Variants in PRKCE observed in about 807,000 individuals in gnomAD.
The protein encoded by PRKCE is protein kinase C epsilon type.
A neutral mutation model predicts 85.4 loss-of-function variants in PRKCE; 16 were observed. The ratio of observed to expected loss-of-function variants is 0.19; its 90% CI spans 0.13 to 0.28. The LOEUF is 0.28. Ranked by LOEUF, PRKCE falls within the 10% of genes least tolerant of loss-of-function variation. The pLI is 1.00. For missense variants in PRKCE, 573 were observed against 975.2 expected (o/e 0.59, Z 5.49); for synonymous variants, 388 against 371.5 (o/e 1.04, Z -0.51).
intron 2 of PRKCE, among the ~76,000 whole-genome samples, chr2:45,933,206 A>G (rs1054877385): frequency 6.6e-6 from 1 of 152,204 alleles, no homozygotes; most frequent in Non-Finnish European, 1.5e-5. Context: ...GAAGGTCTTC[A>G]TAGATATTGG....
At chr2:45,799,389 T>C (rs1012197229) in intron 1 of PRKCE, among the ~76,000 whole-genome samples, 5 of 151,932 alleles carry the variant, frequency 3.3e-5, no homozygotes, top group African/African-American at 1.2e-4. Context: ...GTAGTAAATA[T>C]AAAAGTTAAA....
In PRKCE at chr2:45,881,721, G is replaced by T. The variant is rs552960929; in HGVS notation, c.412+38658G>T. Among the ~76,000 whole-genome samples, 13 of 152,314 alleles carry T rather than the reference G, an allele frequency of 8.5e-5. No individual in the cohort carries two copies. In the South Asian group the frequency reaches 2.7e-3, roughly 32 times the overall value. ...CAGCACGATGGAATGACTTGCCTAA[G>T]TCACACAATATGAGGTAGAGCCAAG... On this transcript the variant is annotated intron_variant, in intron 2 of 14. Transcript: ENST00000306156.
chr2:45,935,430 A>C (rs1194945079), intron 2 of PRKCE, among the ~76,000 whole-genome samples: 2 of 152,202 alleles, frequency 1.3e-5, no homozygotes, highest in African/African-American at 4.8e-5. Context: ...ATACTTTAAA[A>C]TTTGCATACT....
At chr2:46,140,848 C>A (rs766003181) in intron 11 of PRKCE, among the ~76,000 whole-genome samples, 1 of 151,804 alleles carries the variant, frequency 6.6e-6, no homozygotes, top group Admixed American at 6.6e-5. Flanking sequence ...AAAACAAACA[C>A]CACAAAAGAA....
At chr2:46,104,032 C>A (rs1406111975) in intron 11 of PRKCE, among the ~76,000 whole-genome samples, 1 of 152,148 alleles carries the variant, frequency 6.6e-6, no homozygotes, top group East Asian at 1.9e-4. Context: ...CCACCGTTTG[C>A]TTTATTTTCA....
chr2:45,937,029 A>C (rs1400305272), intron 2 of PRKCE, among the ~76,000 whole-genome samples: 1 of 152,166 alleles, frequency 6.6e-6, no homozygotes, highest in African/African-American at 2.4e-5. Flanking sequence ...AGTTCCATAG[A>C]TGCTTGGACC....
At chr2:45,751,636 G>C (rs948187671) in intron 1 of PRKCE, among the ~76,000 whole-genome samples, 11 of 151,986 alleles carry the variant, frequency 7.2e-5, no homozygotes, top group Non-Finnish European at 1.3e-4. Flanking sequence ...AGGTTTTGCA[G>C]ACAGAATATG....
chr2:45,974,926 C>T (rs1176886297), intron 2 of PRKCE, among the ~76,000 whole-genome samples: 1 of 152,178 alleles, frequency 6.6e-6, no homozygotes, highest in Non-Finnish European at 1.5e-5. Context: ...AGCCTGCCCA[C>T]TGTGTTCTTG....
At chr2:45,924,789 AAATT>A (rs1405751806) in intron 2 of PRKCE, among the ~76,000 whole-genome samples, 1 of 152,240 alleles carries the variant, frequency 6.6e-6, no homozygotes, top group Non-Finnish European at 1.5e-5. Flanking sequence ...AGTTGCATGG[AAATT>A]AATTCATGGG....
intron 11 of PRKCE, among the ~76,000 whole-genome samples, chr2:46,120,128 T>G (rs575493061): frequency 4.6e-5 from 7 of 152,332 alleles, no homozygotes; most frequent in South Asian, 4.1e-4. Context: ...GAATTTGGTT[T>G]TTAAGCAGTA....
intron 2 of PRKCE, among the ~76,000 whole-genome samples, chr2:45,956,917 A>G (rs1166612479): frequency 3.3e-5 from 5 of 152,054 alleles, no homozygotes; most frequent in African/African-American, 7.2e-5. Context: ...GCATCTTTTC[A>G]TGTGTTTAAT....
At chr2:46,079,189 A>AG (rs1668830222) in intron 10 of PRKCE, among the ~76,000 whole-genome samples, 1 of 151,634 alleles carries the variant, frequency 6.6e-6, no homozygotes, top group Non-Finnish European at 1.5e-5. Context: ...AAAAAAAAAA[A>AG]AAAGAAAATA....
chr2:45,910,049 C>A (rs951104883), intron 2 of PRKCE, among the ~76,000 whole-genome samples: 1 of 151,890 alleles, frequency 6.6e-6, no homozygotes, highest in South Asian at 2.1e-4. Context: ...CACCGCCCCC[C>A]CCCAGCCAAG....
chr2:45,985,296 G>A (rs1170004937), intron 6 of PRKCE, among the ~76,000 whole-genome samples: 2 of 152,092 alleles, frequency 1.3e-5, no homozygotes, highest in Admixed American at 6.5e-5. Flanking sequence ...GTTTCCTGCC[G>A]TGCCACCCGC....
At chr2:46,058,624 A>G (rs1666828399) in intron 10 of PRKCE, among the ~76,000 whole-genome samples, 1 of 152,198 alleles carries the variant, frequency 6.6e-6, no homozygotes, top group Non-Finnish European at 1.5e-5. Context: ...ACTACTCACC[A>G]TCAAGACAGG....
intron 1 of PRKCE, among the ~76,000 whole-genome samples, chr2:45,756,093 C>T (rs1409245891): frequency 3.9e-5 from 6 of 152,138 alleles, no homozygotes; most frequent in Non-Finnish European, 7.4e-5. Flanking sequence ...AGAGGCTGAC[C>T]GCAGGGAAGA....
intron 1 of PRKCE, among the ~76,000 whole-genome samples, chr2:45,720,840 G>T (rs1225644535): frequency 1.3e-5 from 2 of 152,146 alleles, no homozygotes; most frequent in Admixed American, 6.6e-5. Flanking sequence ...CAGGCACAGT[G>T]GCTCACACCT....
intron 10 of PRKCE, among the ~76,000 whole-genome samples, chr2:46,064,937 C>A (rs1667488153): frequency 6.6e-6 from 1 of 152,202 alleles, no homozygotes; most frequent in South Asian, 2.1e-4. Context: ...CAAGCCCAAG[C>A]TTTCTGTAGA....
chr2:46,075,414 G>T (rs1310561406), intron 10 of PRKCE, among the ~76,000 whole-genome samples: 1 of 152,130 alleles, frequency 6.6e-6, no homozygotes, highest in African/African-American at 2.4e-5. Context: ...GGCAACAGGT[G>T]CCAGTGAGCA....
Sources: gnomAD v4.1 joint callset for allele counts (sites outside exome capture counted in the v4.1 genomes callset) on GRCh38, gnomAD v4.1.1 for gene constraint, MANE v1.5 for transcripts, NCBI Gene and HGNC (gene_info 2026-07-23, HGNC 2026-07-21) for gene names.